AGAP1: variants seen among roughly 807,000 people sequenced by gnomAD.
AGAP1 encodes ArfGAP with GTPase domain, ankyrin repeat and PH domain 1.
A neutral mutation model predicts 105.3 loss-of-function variants in AGAP1; 29 were observed. The observed-to-expected ratio is 0.28, with a 90% CI of 0.21 to 0.38. The LOEUF is 0.38. Among genes scored for constraint, AGAP1 ranks in the 10% least tolerant of loss-of-function variants. The pLI is 1.00. For missense variants in AGAP1, 998 were observed against 1,165.1 expected (o/e 0.86, Z 2.09); for synonymous variants, 509 against 485.9 (o/e 1.05, Z -0.63).
rs534780067 is a variant in AGAP1, at chr2:236,045,268, G to A, written c.1892-3791G>A. 6.6e-6 allele frequency among the ~76,000 whole-genome samples: 1 copy of A among 152,220 alleles called. No homozygotes were observed. The highest frequency in any genetic ancestry group is 2.1e-4 in the South Asian group (1 of 4,816). ...TCTGTCCTCATAGAATCTACGTCCT[G>A]CATTTCTGTGGGCAGGGATTTTTCT... On this transcript the variant is annotated intron_variant, in intron 15 of 17. Transcript: ENST00000304032. This position sits in a 1 kb window ranked among gnomAD's most constrained non-coding sequence, Gnocchi z 6.9.
intron 1 of AGAP1, among the ~76,000 whole-genome samples, chr2:235,497,388 A>C (rs1289674749): frequency 6.6e-6 from 1 of 152,200 alleles, no homozygotes; most frequent in Non-Finnish European, 1.5e-5. Flanking sequence ...CTGTGCGTGC[A>C]CCTTGGAGGT....
rs1266075980 is a variant in AGAP1, at chr2:235,552,306, C to T, written c.163+57457C>T. 1.3e-5 allele frequency among the ~76,000 whole-genome samples: 2 copies of T among 152,188 alleles called. No homozygotes were observed. The highest frequency in any genetic ancestry group is 1.9e-4 in the East Asian group (1 of 5,190). On this transcript the variant is annotated intron_variant, in intron 1 of 17. Transcript: ENST00000304032. This position sits in a 1 kb window ranked among gnomAD's most constrained non-coding sequence, Gnocchi z 5.9. The stretch of plus-strand genomic sequence containing the variant: ...TGGTGCCAAGAAATCCTATCGGGGA[C>T]ATTTAATAACTGGAAGTAGCTTAGG...
intron 1 of AGAP1, among the ~76,000 whole-genome samples, chr2:235,580,028 C>T (rs1944876383): frequency 6.6e-6 from 1 of 152,140 alleles, no homozygotes; most frequent in Non-Finnish European, 1.5e-5. Flanking sequence ...TGGGTTCTTT[C>T]CCTTAATATA....
chr2:235,880,256 C>G (rs1327053906), intron 9 of AGAP1, among the ~76,000 whole-genome samples: 1 of 152,072 alleles, frequency 6.6e-6, no homozygotes, highest in East Asian at 1.9e-4. Flanking sequence ...GTGATTTCCT[C>G]ACGAAAGTAC....
At chr2:236,115,836 GCT>G (rs1346168529) in intron 16 of AGAP1, among the ~76,000 whole-genome samples, 2 of 134,304 alleles carry the variant, frequency 1.5e-5, no homozygotes, top group African/African-American at 5.4e-5. Flanking sequence ...ACAGAGTCTC[GCT>G]CTGTCACCCA....
Position 235,931,034 on chromosome 2 carries a change from C to T in AGAP1, c.1483+111C>T. The T allele has an allele frequency of 7.9e-7, 1 of 1,260,424 alleles. No individual in the cohort carries two copies. The highest frequency in any genetic ancestry group is 1.1e-6 in the Non-Finnish European group (1 of 935,256). The allele number at this position is 1,260,424 out of a possible 1,614,324, so 78.1% of individuals were successfully genotyped here. ...CTCATGCTCCTCTGGGAGCGCAGCA[C>T]CCTGTGGGGCGGCTGCATCAGAGAC... On this transcript the variant is annotated intron_variant, in intron 12 of 17. Coordinates refer to ENST00000304032, the MANE Select transcript of AGAP1 (RefSeq NM_001037131.3). The surrounding 1 kb of genome is among the most constrained non-coding windows in gnomAD (Gnocchi z 5.6).
chr2:235,513,966 G>A lies in AGAP1; in HGVS notation c.163+19117G>A, dbSNP rs577344616. Among the ~76,000 whole-genome samples, 4 of 152,332 alleles carry A rather than the reference G, an allele frequency of 2.6e-5. No homozygotes were observed. The South Asian group carries it at 8.3e-4, about 32-fold the overall frequency. ...CTTCCAAATAAAGGGCGATTTTGTA[G>A]CTTTTCAAGTTTTAACAGTTTGATA... On this transcript the variant is annotated intron_variant, in intron 1 of 17. Coordinates refer to ENST00000304032, the MANE Select transcript of AGAP1 (RefSeq NM_001037131.3).
intron 16 of AGAP1, among the ~76,000 whole-genome samples, chr2:236,098,620 CTTTTTTTTTT>C (rs34419216): frequency 8.7e-6 from 1 of 115,254 alleles, no homozygotes; most frequent in Admixed American, 9.2e-5. Flanking sequence ...TCTTTTTTTC[CTTTTTTTTTT>C]TTTTTTTTTA....
chr2:235,844,100 T>C (rs897290553), intron 9 of AGAP1, among the ~76,000 whole-genome samples: 1 of 152,228 alleles, frequency 6.6e-6, no homozygotes, highest in Admixed American at 6.5e-5. Context: ...TCTTTCCTGC[T>C]GAAAGCCTTC....
intron 1 of AGAP1, among the ~76,000 whole-genome samples, chr2:235,619,047 C>T (rs559267690): frequency 9.2e-5 from 14 of 152,114 alleles, no homozygotes; most frequent in East Asian, 5.8e-4. Flanking sequence ...TGGGGGAGAG[C>T]GCTAGGAGCC....
chr2:235,999,685 T>C (rs1362515023), intron 13 of AGAP1, among the ~76,000 whole-genome samples: 1 of 151,772 alleles, frequency 6.6e-6, no homozygotes, highest in Non-Finnish European at 1.5e-5. Flanking sequence ...GTGGTGGTGG[T>C]CGTGGTGGTG....
chr2:235,616,915 TA>T (rs1946324667), intron 1 of AGAP1, among the ~76,000 whole-genome samples: 1 of 152,192 alleles, frequency 6.6e-6, no homozygotes, highest in Admixed American at 6.5e-5. Context: ...TTAACTTCCC[TA>T]GGGATGCTTG....
Position 236,045,979 on chromosome 2 carries a change from T to C in AGAP1, c.1892-3080T>C, listed in dbSNP as rs762807669. On this transcript the variant is annotated intron_variant, in intron 15 of 17. Coordinates refer to ENST00000304032, the MANE Select transcript of AGAP1 (RefSeq NM_001037131.3). This position sits in a 1 kb window ranked among gnomAD's most constrained non-coding sequence, Gnocchi z 6.9. The stretch of plus-strand genomic sequence containing the variant: ...CCGGCACAGGAATGTGTCCCACGCA[T>C]GAATGTCGTCCTTCAGATCTGGACC... The C allele has an allele frequency of 2.1e-5, 10 of 471,586 alleles. No homozygotes were observed. Among genetic ancestry groups the C allele is most frequent in the South Asian group, 9.3e-5 (6 of 64,574 alleles). The allele number at this position is 471,586 out of a possible 1,614,324, so 29.2% of individuals were successfully genotyped here. A position where few individuals can be genotyped will look rare whatever the true frequency, so the allele number is the denominator to read the frequency against.
intron 1 of AGAP1, among the ~76,000 whole-genome samples, chr2:235,703,812 G>T (rs1253802230): frequency 2.0e-5 from 3 of 152,116 alleles, no homozygotes; most frequent in Non-Finnish European, 2.9e-5. Context: ...GACGAGGCTA[G>T]TCTGGAACTC....
intron 15 of AGAP1, 96 bp from the exon 16 acceptor site, chr2:236,048,963 G>T: frequency 8.3e-7 from 1 of 1,202,748 alleles, no homozygotes; most frequent in Non-Finnish European, 1.2e-6. Context: ...CTGTCGTTGT[G>T]AAGTTTGACT....
intron 1 of AGAP1, among the ~76,000 whole-genome samples, chr2:235,506,569 G>A (rs1941822623): frequency 6.6e-6 from 1 of 152,014 alleles, no homozygotes; most frequent in Non-Finnish European, 1.5e-5. Flanking sequence ...CTTTTGGGGG[G>A]TTTTCTGGAC....
Position 235,577,313 on chromosome 2 carries a change from T to G in AGAP1, c.163+82464T>G, listed in dbSNP as rs2149179158. 6.6e-6 allele frequency among the ~76,000 whole-genome samples: 1 copy of G among 152,346 alleles called. No homozygotes were observed. Among genetic ancestry groups the G allele is most frequent in the Non-Finnish European group, 1.5e-5 (1 of 68,040 alleles). The stretch of plus-strand genomic sequence containing the variant: ...TGATGCTTTGGGTGGTGCTGTGTAA[T>G]GTTCATTCATCGCACATTTCAATTC... On this transcript the variant is annotated intron_variant, in intron 1 of 17. Transcript: ENST00000304032. The surrounding 1 kb of genome is among the most constrained non-coding windows in gnomAD (Gnocchi z 4.5).
intron 11 of AGAP1, among the ~76,000 whole-genome samples, chr2:235,924,316 G>A (rs1261854764): frequency 6.6e-6 from 1 of 152,048 alleles, no homozygotes; most frequent in Admixed American, 6.6e-5. Flanking sequence ...TGGGCTCCCT[G>A]ACCCTCATAC....
chr2:235,980,285 GT>G (rs777160550), intron 13 of AGAP1, among the ~76,000 whole-genome samples: 3 of 152,214 alleles, frequency 2.0e-5, no homozygotes, highest in Non-Finnish European at 4.4e-5. Flanking sequence ...GCAGCCAGGG[GT>G]TTGAAGTGCC....
Sources: gnomAD v4.1 joint callset for allele counts (sites outside exome capture counted in the v4.1 genomes callset) on GRCh38, gnomAD v4.1.1 for gene constraint, Gnocchi (gnomAD v3.1) non-coding constraint, MANE v1.5 for transcripts, NCBI Gene and HGNC (gene_info 2026-07-23, HGNC 2026-07-21) for gene names.